Variants in PCNX1 observed in about 807,000 individuals in gnomAD.
PCNX1 encodes the protein pecanex 1, also known as pecanex-like protein 1.
In PCNX1, 78 loss-of-function variants were observed where a neutral mutation model predicts 242.2. That is an observed-to-expected ratio of 0.32 (90% CI 0.27 to 0.39). PCNX1 has a LOEUF of 0.39. Ranked by LOEUF, PCNX1 falls within the 10% of genes least tolerant of loss-of-function variation. PCNX1 has a pLI of 1.00. For synonymous variants in PCNX1, 1,024 were observed against 1,032.9 expected (o/e 0.99, Z 0.17); for missense variants, 2,581 against 2,856.5 (o/e 0.90, Z 2.20).
chr14:71,017,389 C>G (rs967869655), intron 11 of PCNX1, among the ~76,000 whole-genome samples: 1 of 152,106 alleles, frequency 6.6e-6, no homozygotes, highest in East Asian at 1.9e-4. Context: ...GAGGTGTGTG[C>G]TTAGGAGGCT....
intron 18 of PCNX1, among the ~76,000 whole-genome samples, chr14:71,035,062 C>T (rs192787177): frequency 7.2e-5 from 11 of 151,964 alleles, no homozygotes; most frequent in South Asian, 2.1e-4. Flanking sequence ...TAAATGACAC[C>T]GTGGTCAGGA....
At position 71,108,780 on chromosome 14, in the gene PCNX1, A is replaced by C; in HGVS notation, c.6478A>C (p.Asn2160His). ...TTCTACTAGTCAGATATCGCTTCGAAACTTGCCATCATCCATCCAATCCCG... is the reference window on the plus strand; with the variant it reads ...TTCTACTAGTCAGATATCGCTTCGACACTTGCCATCATCCATCCAATCCCG... ...RSSTSQISLR[N>H]LPSSIQSRLS... Residue 2160 changes from asparagine (N) to histidine (H), a missense_variant, in exon 34 of 36, where the codon AAC becomes CAC. This residue lies in a region of PCNX1 where 432 missense variants were observed against 433.6 expected (regional missense o/e 1.00). Transcript: ENST00000304743. 6.2e-7 allele frequency: 1 copy of C among 1,614,218 alleles called. No homozygotes were observed. Among genetic ancestry groups the C allele is most frequent in the Non-Finnish European group, 8.5e-7 (1 of 1,180,036 alleles).
At chr14:70,949,317 A>C (rs957031157) in intron 2 of PCNX1, among the ~76,000 whole-genome samples, 1 of 147,376 alleles carries the variant, frequency 6.8e-6, no homozygotes, top group African/African-American at 2.6e-5. Flanking sequence ...GTGTGTAGAT[A>C]CACACGTGTA....
intron 1 of PCNX1, among the ~76,000 whole-genome samples, chr14:70,912,568 T>C (rs181458403): frequency 6.6e-6 from 1 of 151,880 alleles, no homozygotes; most frequent in East Asian, 1.9e-4. Context: ...AAAATGTTTT[T>C]CCTCACTCTG....
At chr14:71,093,615 G>T (rs1595489636) in intron 30 of PCNX1, 1 of 152,176 alleles carries the variant, frequency 6.6e-6, no homozygotes, top group African/African-American at 2.4e-5. Flanking sequence ...AGAAGAATTG[G>T]TACTATATGG....
chr14:70,960,347 G>A (rs943428902), intron 2 of PCNX1, among the ~76,000 whole-genome samples: 2 of 150,870 alleles, frequency 1.3e-5, no homozygotes, highest in African/African-American at 4.9e-5. Flanking sequence ...TTTCTTCTAG[G>A]GTTTTTATGG....
At chr14:70,951,501 A>G (rs1398846368) in intron 2 of PCNX1, among the ~76,000 whole-genome samples, 6 of 151,944 alleles carry the variant, frequency 3.9e-5, no homozygotes. Flanking sequence ...CAGCCTCCCA[A>G]GTAGCTGGGA....
In PCNX1 at chr14:71,110,138, A is replaced by C. The variant is rs140533286; in HGVS notation, c.*203A>C. ...TGTCTCCATCCCCAAATAAAGCTGA[A>C]ATATTTTTTTAAGTTAGCTGCCGAG... is the stretch of plus-strand genomic sequence containing the variant. On this transcript the variant is annotated 3_prime_UTR_variant, in exon 36 of 36. Transcript: ENST00000304743. 2.1e-5 allele frequency: 13 copies of C among 630,326 alleles called. No individual in the cohort carries two copies. In the East Asian group the frequency reaches 3.5e-4, roughly 17 times the overall value. The allele number at this position is 630,326 out of a possible 1,614,324, so 39.0% of individuals were successfully genotyped here. A position where few individuals can be genotyped will look rare whatever the true frequency, so the allele number is the denominator to read the frequency against.
At chr14:71,109,115 A>G in intron 34 of PCNX1, 69 bp downstream of exon 34, 1 of 1,272,806 alleles carries the variant, frequency 7.9e-7, no homozygotes, top group Non-Finnish European at 1.1e-6. Context: ...TATTTGTTGA[A>G]TGAAGGACTG....
chr14:70,967,162 A>G (rs944584552), intron 3 of PCNX1, among the ~76,000 whole-genome samples: 1 of 152,336 alleles, frequency 6.6e-6, no homozygotes. Context: ...GTGAATTTTT[A>G]CATCTGTGTG....
chr14:71,098,553 T>TGTGAGTGAGAGAGA (rs60367565), intron 30 of PCNX1, among the ~76,000 whole-genome samples: 108 of 125,732 alleles, frequency 8.6e-4, no homozygotes, highest in Non-Finnish European at 1.3e-3. Flanking sequence ...TGTGTGTGTG[T>TGTGAGTGAGAGAGA]GAGAGAGAGA....
intron 8 of PCNX1, among the ~76,000 whole-genome samples, chr14:71,007,209 T>C (rs2059692628): frequency 6.6e-6 from 1 of 152,046 alleles, no homozygotes; most frequent in Non-Finnish European, 1.5e-5. Flanking sequence ...TTTTGCATTC[T>C]TTATGTTTAT....
intron 22 of PCNX1, 44 bp downstream of exon 22, chr14:71,048,028 C>T (rs887525045): frequency 1.4e-6 from 2 of 1,428,008 alleles, no homozygotes; most frequent in Admixed American, 1.9e-5. Context: ...TAAAAACTAT[C>T]TCCCTGGGTT....
At chr14:70,959,066 T>C (rs1430934484) in intron 2 of PCNX1, among the ~76,000 whole-genome samples, 1 of 151,056 alleles carries the variant, frequency 6.6e-6, no homozygotes, top group Non-Finnish European at 1.5e-5. Context: ...ACTTACTCTG[T>C]TTATACCAGG....
chr14:71,039,900 T>C (rs530003989), intron 19 of PCNX1, among the ~76,000 whole-genome samples: 2 of 152,328 alleles, frequency 1.3e-5, no homozygotes, highest in African/African-American at 2.4e-5. Context: ...TTACCATGTT[T>C]AGTGCCCTGC....
intron 7 of PCNX1, 94 bp from the exon 8 acceptor site, chr14:70,995,647 C>T: frequency 1.7e-5 from 19 of 1,151,176 alleles, no homozygotes; most frequent in Non-Finnish European, 2.3e-5. Context: ...AAAAAAGTGC[C>T]TTTTTGAAAT....
In PCNX1 at chr14:71,000,616, T is replaced by C. The variant is rs2059477145; in HGVS notation, c.2629+4691T>C. On this transcript the variant is annotated intron_variant, in intron 8 of 35. Transcript: ENST00000304743. ...ATCTTGGCTCACTGCAACCTCCGCC[T>C]CCTGGGTTCAAGCGATTTTGCTGCC... is the stretch of plus-strand genomic sequence containing the variant. 2.0e-5 allele frequency among the ~76,000 whole-genome samples: 3 copies of C among 148,386 alleles called. 1 individual carries two copies. The Admixed American group carries it at 2.1e-4, about 10-fold the overall frequency.
Position 71,065,089 on chromosome 14 carries a change from G to A in PCNX1, c.4852+7365G>A, listed in dbSNP as rs183836731. On this transcript the variant is annotated intron_variant, in intron 26 of 35. Transcript: ENST00000304743. The stretch of plus-strand genomic sequence containing the variant: ...TGCCACAATAAACATACATGTGCAT[G>A]TGTCTTTATAGTAGAATGACTTATA... Among the ~76,000 whole-genome samples the A allele has an allele frequency of 9.1e-4, 138 of 152,328 alleles. 1 individual carries two copies. Among genetic ancestry groups the A allele is most frequent in the Non-Finnish European group, 1.7e-3 (117 of 68,024 alleles).
At chr14:71,069,383 A>G (rs1411913026) in intron 26 of PCNX1, among the ~76,000 whole-genome samples, 1 of 152,268 alleles carries the variant, frequency 6.6e-6, no homozygotes, top group African/African-American at 2.4e-5. Flanking sequence ...AGGTCACTGT[A>G]GTAAAACATG....
Sources: allele counts gnomAD v4.1 joint callset (sites outside exome capture counted in the v4.1 genomes callset), GRCh38; gene constraint gnomAD v4.1.1; regional missense constraint gnomAD v4.1.1; transcripts MANE v1.5; gene names NCBI Gene and HGNC (gene_info 2026-07-23, HGNC 2026-07-21).